The following TBC1D5 variants were observed in gnomAD, a reference collection of about 807,000 sequenced individuals.
The protein encoded by TBC1D5 is TBC1 domain family, member 5.
A neutral mutation model predicts 100.3 loss-of-function variants in TBC1D5; 75 were observed. The observed-to-expected ratio is 0.75, with a 90% CI of 0.62 to 0.91. The LOEUF is 0.91. TBC1D5 is among the 40% of genes least tolerant of loss of function. The pLI, the probability that TBC1D5 is intolerant of heterozygous loss-of-function variation, is 0.00. For missense variants in TBC1D5, 910 were observed against 942.4 expected, an observed-to-expected ratio of 0.97 and a Z score of 0.45; for synonymous variants, 323 against 325.6, an observed-to-expected ratio of 0.99 and a Z score of 0.09.
intron 1 of TBC1D5, among the ~76,000 whole-genome samples, chr3:17,647,656 A>G (rs974549547): frequency 3.3e-5 from 5 of 152,166 alleles, no homozygotes; most frequent in African/African-American, 1.2e-4. Context: ...AGGGGGAAGG[A>G]GCAGAATTAG....
chr3:17,538,889 A>C (rs1425343221), intron 2 of TBC1D5, among the ~76,000 whole-genome samples: 1 of 152,164 alleles, frequency 6.6e-6, no homozygotes, highest in Non-Finnish European at 1.5e-5. Flanking sequence ...AAATACAAAA[A>C]GCTGGAGTGA....
At chr3:17,611,626 T>C (rs1184016931) in intron 2 of TBC1D5, among the ~76,000 whole-genome samples, 7 of 152,200 alleles carry the variant, frequency 4.6e-5, no homozygotes, top group African/African-American at 1.7e-4. Context: ...TTAGCATTTT[T>C]AAGTCTCAAT....
chr3:17,433,003 T>C (rs2094470311), intron 3 of TBC1D5, among the ~76,000 whole-genome samples: 1 of 147,776 alleles, frequency 6.8e-6, no homozygotes, highest in Non-Finnish European at 1.5e-5. Flanking sequence ...AACTTAAAAA[T>C]TTCGTGGTGT....
At chr3:17,225,380 A>G (rs1329089879) in intron 17 of TBC1D5, among the ~76,000 whole-genome samples, 2 of 144,574 alleles carry the variant, frequency 1.4e-5, no homozygotes, top group Non-Finnish European at 3.0e-5. Context: ...TGGAGGTTGC[A>G]GTGAGCTGGG....
chr3:17,222,581 C>T (rs866435702), intron 17 of TBC1D5, among the ~76,000 whole-genome samples: 7 of 152,228 alleles, frequency 4.6e-5, no homozygotes, highest in South Asian at 2.1e-4. Context: ...AAATGTCTTC[C>T]GGCCTTCGGT....
intron 18 of TBC1D5, among the ~76,000 whole-genome samples, chr3:17,191,719 C>T (rs1163253796): frequency 1.3e-5 from 2 of 151,924 alleles, no homozygotes; most frequent in Admixed American, 6.6e-5. Context: ...CACGTTCAGG[C>T]GATTCTCCTG....
intron 2 of TBC1D5, among the ~76,000 whole-genome samples, chr3:17,526,277 G>C (rs1228511901): frequency 6.6e-6 from 1 of 152,080 alleles, no homozygotes; most frequent in East Asian, 1.9e-4. Context: ...GAATGCAGCG[G>C]TGCATTCATA....
rs184553568 is a variant in TBC1D5, at chr3:17,459,126, C to T, written c.98-30607G>A. ...TAAAAAGCACCTTGTGTGTGGACAC[C>T]ATAGAGGATATAAATATAAGTAAGA... On this transcript the variant is annotated intron_variant, in intron 3 of 21. Coordinates refer to ENST00000253692, the Ensembl canonical transcript of TBC1D5. Among the ~76,000 whole-genome samples the T allele has an allele frequency of 3.5e-3, 531 of 152,114 alleles. 4 individuals are homozygous for T. The highest frequency in any genetic ancestry group is 0.012 in the African/African-American group (503 of 41,502).
chr3:17,494,069 A>G lies in TBC1D5; in HGVS notation c.97+14405T>C, dbSNP rs116503177. ...ATCTTTGTGGGTTTATCTACCTTCA[A>G]TCTTTGAGGCTGTTGATCTTTGGAT... On this transcript the variant is annotated intron_variant, in intron 3 of 21. Transcript: ENST00000253692. Among the ~76,000 whole-genome samples the G allele has an allele frequency of 3.4e-3, 519 of 152,112 alleles. 3 individuals carry two copies. Among genetic ancestry groups the G allele is most frequent in the African/African-American group, 0.012 (504 of 41,480 alleles).
intron 2 of TBC1D5, among the ~76,000 whole-genome samples, chr3:17,583,958 G>A (rs992099787): frequency 1.3e-4 from 20 of 152,162 alleles, no homozygotes; most frequent in African/African-American, 4.8e-4. Flanking sequence ...CAAACAAAAT[G>A]TGTATGAACG....
intron 3 of TBC1D5, among the ~76,000 whole-genome samples, chr3:17,438,266 A>G (rs2094573395): frequency 3.3e-5 from 5 of 152,240 alleles, no homozygotes; most frequent in Admixed American, 3.3e-4. Context: ...ATGTTGATAA[A>G]GAGTATTTGA....
rs34847216 is a variant in TBC1D5 at position 17,484,455 on chromosome 3, G to GGTGTGTGTGT, written c.97+24009_97+24018dup. ...TTTAAAGATAATAAGGTAACACCAG[G>GGTGTGTGTGT]GTGTGTGTGTGTGTGTGTGTGTGTG... On this transcript the variant is annotated intron_variant, in intron 3 of 21. Coordinates refer to ENST00000253692, the Ensembl canonical transcript of TBC1D5. 3.6e-4 allele frequency among the ~76,000 whole-genome samples: 40 copies of GGTGTGTGTGT among 111,540 alleles called. 3 individuals are homozygous for GGTGTGTGTGT. The highest frequency in any genetic ancestry group is 2.2e-3 in the South Asian group (7 of 3,244). The allele number at this position is 111,540 out of a possible 152,430, so 73.2% of individuals were successfully genotyped here. A position where few individuals can be genotyped will look rare whatever the true frequency, so the allele number is the denominator to read the frequency against.
At chr3:17,176,515 T>A (rs1345936809) in intron 19 of TBC1D5, among the ~76,000 whole-genome samples, 1 of 152,126 alleles carries the variant, frequency 6.6e-6, no homozygotes, top group Non-Finnish European at 1.5e-5. Flanking sequence ...AGATATTAAG[T>A]TGGAAACCAT....
In TBC1D5 at chr3:17,389,756, G is replaced by T. The variant is rs144040712; in HGVS notation, c.510-5741C>A. 3.3e-3 allele frequency among the ~76,000 whole-genome samples: 504 copies of T among 152,192 alleles called. 9 individuals are homozygous for T. Among genetic ancestry groups the T allele is most frequent in the South Asian group, 2.9e-3 (14 of 4,820 alleles). ...TAAATTCTGTTGTTTTAAACTTGGG[G>T]TGATTTCAATGCAGTGGTAAGTTGG... On this transcript the variant is annotated intron_variant, in intron 8 of 21. Coordinates refer to ENST00000253692, the Ensembl canonical transcript of TBC1D5.
At chr3:17,171,333 T>G (rs950471269) in intron 19 of TBC1D5, among the ~76,000 whole-genome samples, 11 of 152,016 alleles carry the variant, frequency 7.2e-5, no homozygotes, top group African/African-American at 2.7e-4. Context: ...GGGGATGGAG[T>G]TTATGTTATT....
exon 1 of TBC1D5, chr3:17,740,816 A>G (rs562252789): frequency 6.6e-6 from 1 of 152,312 alleles, no homozygotes; most frequent in South Asian, 2.1e-4. Context: ...CTATATGTTG[A>G]TAAAACCCAA....
chr3:17,205,674 T>C (rs539085978), intron 18 of TBC1D5, among the ~76,000 whole-genome samples: 1 of 152,166 alleles, frequency 6.6e-6, no homozygotes, highest in Admixed American at 6.5e-5. Flanking sequence ...TTACCAGAGA[T>C]TGGTAAGGAG....
chr3:17,238,601 A>G (rs906317151), intron 16 of TBC1D5, among the ~76,000 whole-genome samples, 182 bp from the exon 17 acceptor site: 1 of 152,234 alleles, frequency 6.6e-6, no homozygotes, highest in African/African-American at 2.4e-5. Flanking sequence ...TTTCTTAAAA[A>G]CATAGCTTAT....
At chr3:17,296,733 C>T (rs866306275) in intron 14 of TBC1D5, among the ~76,000 whole-genome samples, 1 of 152,200 alleles carries the variant, frequency 6.6e-6, no homozygotes, top group Non-Finnish European at 1.5e-5. Flanking sequence ...GAGCACCATT[C>T]AATCACTACA....
Sources: gnomAD v4.1 joint callset for allele counts (sites outside exome capture counted in the v4.1 genomes callset) on GRCh38, gnomAD v4.1.1 for gene constraint, MANE v1.5 for transcripts, NCBI Gene and HGNC (gene_info 2026-07-23, HGNC 2026-07-21) for gene names.